Variants in SORCS2 observed in about 807,000 individuals in gnomAD.
The protein encoded by SORCS2 is sortilin related VPS10 domain containing receptor 2.
In SORCS2, 100 loss-of-function variants were observed where a neutral mutation model predicts 141.6. The observed-to-expected ratio is 0.71, with a 90% CI of 0.60 to 0.83. The LOEUF is 0.83. SORCS2 is among the 40% of genes least tolerant of loss of function. The pLI is 0.00. For missense variants in SORCS2, 1,646 were observed against 1,560.2 expected, an observed-to-expected ratio of 1.05 and a Z score of -0.93; for synonymous variants, 789 against 676.9, an observed-to-expected ratio of 1.17 and a Z score of -2.57.
intron 2 of SORCS2, among the ~76,000 whole-genome samples, chr4:7,513,426 G>C (rs1222118934): frequency 1.3e-5 from 2 of 152,224 alleles, no homozygotes; most frequent in African/African-American, 4.8e-5. Flanking sequence ...GGGCTTGGCA[G>C]GGCCTGGAGT....
rs566869349 is a variant in SORCS2, at chr4:7,727,686, T to C, written c.2870-664T>C. The stretch of plus-strand genomic sequence containing the variant: ...ACCACCCTCATTGTAAGATGTTGGG[T>C]TTGCAGTCCTCAAAGCACTTGTCCC... On this transcript the variant is annotated intron_variant, in intron 21 of 26. Coordinates refer to ENST00000507866, the MANE Select transcript of SORCS2 (RefSeq NM_020777.3). 3.7e-4 allele frequency among the ~76,000 whole-genome samples: 57 copies of C among 152,262 alleles called. 2 individuals carry two copies. In the South Asian group the frequency reaches 0.012, roughly 31 times the overall value.
chr4:7,206,305 C>A (rs543890942), intron 1 of SORCS2, among the ~76,000 whole-genome samples: 1 of 152,278 alleles, frequency 6.6e-6, no homozygotes, highest in Admixed American at 6.5e-5. Flanking sequence ...CCCCAAGCGC[C>A]TGGTGCTTAG....
At chr4:7,374,834 G>T (rs374464670) in intron 1 of SORCS2, among the ~76,000 whole-genome samples, 5 of 152,184 alleles carry the variant, frequency 3.3e-5, no homozygotes, top group Admixed American at 6.5e-5. Flanking sequence ...GACCGCGGGT[G>T]GGGGGAGGCT....
At chr4:7,608,717 G>A (rs1718210677) in intron 3 of SORCS2, among the ~76,000 whole-genome samples, 2 of 152,186 alleles carry the variant, frequency 1.3e-5, no homozygotes, top group Non-Finnish European at 2.9e-5. Flanking sequence ...TCTGTGGGCT[G>A]CCCTCCGGTC....
chr4:7,310,054 T>C (rs1275452612), intron 1 of SORCS2, among the ~76,000 whole-genome samples: 2 of 152,000 alleles, frequency 1.3e-5, no homozygotes, highest in East Asian at 3.9e-4. Flanking sequence ...AAGGAATGGG[T>C]GGATTTGGGG....
At chr4:7,578,961 T>A (rs1577782969) in intron 3 of SORCS2, among the ~76,000 whole-genome samples, 1 of 152,222 alleles carries the variant, frequency 6.6e-6, no homozygotes, top group Non-Finnish European at 1.5e-5. Context: ...GAGCTTCCAC[T>A]TGTCTTCCCA....
chr4:7,218,402 T>C (rs1728503406), intron 1 of SORCS2, among the ~76,000 whole-genome samples: 1 of 152,228 alleles, frequency 6.6e-6, no homozygotes, highest in African/African-American at 2.4e-5. Flanking sequence ...AAACTGTTAA[T>C]TACCTGGAAA....
chr4:7,585,790 C>G (rs374656405), intron 3 of SORCS2, among the ~76,000 whole-genome samples: 1 of 152,184 alleles, frequency 6.6e-6, no homozygotes, highest in Non-Finnish European at 1.5e-5. Context: ...GGGGGAGCAG[C>G]CTTGCCCCTA....
chr4:7,253,311 G>A (rs1412207810), intron 1 of SORCS2, among the ~76,000 whole-genome samples: 1 of 152,232 alleles, frequency 6.6e-6, no homozygotes, highest in Non-Finnish European at 1.5e-5. Flanking sequence ...GGGGTCCAGG[G>A]CCCCAAGGCT....
chr4:7,546,836 C>A (rs1713299438), intron 3 of SORCS2, among the ~76,000 whole-genome samples: 1 of 152,228 alleles, frequency 6.6e-6, no homozygotes, highest in South Asian at 2.1e-4. Flanking sequence ...CTCTTCCCTG[C>A]AAAAACACAT....
chr4:7,266,335 G>A (rs1412716107), intron 1 of SORCS2, among the ~76,000 whole-genome samples: 1 of 152,202 alleles, frequency 6.6e-6, no homozygotes, highest in Non-Finnish European at 1.5e-5. Context: ...CTTCCTACCC[G>A]AGCCCTGGCT....
At chr4:7,277,573 T>C (rs184014787) in intron 1 of SORCS2, among the ~76,000 whole-genome samples, 3 of 152,214 alleles carry the variant, frequency 2.0e-5, no homozygotes, top group Non-Finnish European at 4.4e-5. Context: ...CGGCAGAAAC[T>C]GTTGATTTAC....
Position 7,723,825 on chromosome 4 carries a change from C to G in SORCS2, c.2553C>G (p.Ser851=), listed in dbSNP as rs770293852. 1 of 1,613,334 alleles carries G rather than the reference C, an allele frequency of 6.2e-7. No individual in the cohort carries two copies. Among genetic ancestry groups the G allele is most frequent in the Non-Finnish European group, 8.5e-7 (1 of 1,179,878 alleles). The change falls in exon 19 of 27, where the codon TCC becomes TCG. Residue 851 remains serine, a synonymous_variant. Transcript: ENST00000507866. ...AGAGCCCCGGCATCTACCGCGTGTC[C>G]GTCAGGGCAGAGAACACGGCAGGCC... ...RYESPGIYRV[S]VRAENTAGHD...
chr4:7,531,493 G>A (rs931491148), intron 2 of SORCS2, 37 bp from the exon 3 acceptor site: 11 of 1,597,976 alleles, frequency 6.9e-6, no homozygotes, highest in South Asian at 2.2e-5. Context: ...CACACTTGGA[G>A]GGTACATGGC....
chr4:7,704,583 G>T (rs1263957375), intron 14 of SORCS2, among the ~76,000 whole-genome samples: 3 of 152,194 alleles, frequency 2.0e-5, no homozygotes, highest in African/African-American at 7.2e-5. Context: ...ATCATCATAG[G>T]GCAGAGCTGG....
intron 1 of SORCS2, among the ~76,000 whole-genome samples, chr4:7,300,709 C>T (rs542681085): frequency 3.3e-5 from 5 of 152,344 alleles, no homozygotes; most frequent in South Asian, 2.1e-4. Context: ...CTTCAACCAC[C>T]GCAGGCAATG....
intron 1 of SORCS2, among the ~76,000 whole-genome samples, chr4:7,333,402 G>T (rs1191049399): frequency 6.6e-6 from 1 of 152,228 alleles, no homozygotes; most frequent in Non-Finnish European, 1.5e-5. Context: ...ATGTTGGCCG[G>T]TGCGGCAGCC....
intron 1 of SORCS2, among the ~76,000 whole-genome samples, chr4:7,253,227 G>C (rs1476857358): frequency 6.6e-6 from 1 of 152,228 alleles, no homozygotes; most frequent in African/African-American, 2.4e-5. Context: ...CTTGTCCCCA[G>C]GAGCCCTCCC....
chr4:7,299,712 GC>G (rs1190419165), intron 1 of SORCS2, among the ~76,000 whole-genome samples: 1 of 152,174 alleles, frequency 6.6e-6, no homozygotes, highest in Non-Finnish European at 1.5e-5. Flanking sequence ...CGTGGTCCAG[GC>G]CTGTGTCTTC....
Sources: gnomAD v4.1 joint callset for allele counts (sites outside exome capture counted in the v4.1 genomes callset) on GRCh38, gnomAD v4.1.1 for gene constraint, MANE v1.5 for transcripts, NCBI Gene and HGNC (gene_info 2026-07-23, HGNC 2026-07-21) for gene names.